Variants in PHLPP2 observed in about 807,000 individuals in gnomAD.
PHLPP2 encodes the protein PH domain leucine-rich repeat-containing protein phosphatase 2.
A neutral mutation model predicts 124.9 loss-of-function variants in PHLPP2; 66 were observed. That is an observed-to-expected ratio of 0.53 (90% CI 0.43 to 0.65). The LOEUF is 0.65. Ranked by LOEUF, PHLPP2 falls within the 30% of genes least tolerant of loss-of-function variation. The pLI, the probability that PHLPP2 is intolerant of heterozygous loss-of-function variation, is 0.00. For synonymous variants in PHLPP2, 681 were observed against 624.7 expected (o/e 1.09, Z -1.34); for missense variants, 1,685 against 1,600.4 (o/e 1.05, Z -0.90).
chr16:71,724,017 G>A (rs976792023), intron 1 of PHLPP2: 5 of 195,692 alleles, frequency 2.6e-5, no homozygotes, highest in Non-Finnish European at 4.6e-5. Context: ...CCGCAGCCCC[G>A]CTGGACCTAA....
At chr16:71,679,316 T>TAC in intron 7 of PHLPP2, 73 bp downstream of exon 7, 1 of 1,316,210 alleles carries the variant, frequency 7.6e-7, no homozygotes, top group Non-Finnish European at 1.1e-6. Context: ...TTCAAGATAC[T>TAC]ACCTTCATTC....
intron 3 of PHLPP2, 106 bp downstream of exon 3, chr16:71,702,492 A>T: frequency 1.0e-6 from 1 of 960,892 alleles, no homozygotes; most frequent in Non-Finnish European, 1.5e-6. Flanking sequence ...TAATTGGCTT[A>T]AAACTAGCTT....
In PHLPP2 at chr16:71,687,765, A is replaced by G. The variant is rs9940101; in HGVS notation, c.609+2754T>C. ...AACACATTGCCACATCTAAACACTCATTTTGTCTTCACTTCTAGAAAATGT... is the reference window on the plus strand; with the variant it reads ...AACACATTGCCACATCTAAACACTCGTTTTGTCTTCACTTCTAGAAAATGT... On this transcript the variant is annotated intron_variant, in intron 4 of 18. Coordinates refer to ENST00000568954, the MANE Select transcript of PHLPP2 (RefSeq NM_015020.3). Among the ~76,000 whole-genome samples, 958 of 152,208 alleles carry G rather than the reference A, an allele frequency of 6.3e-3. 9 individuals are homozygous for G. Among genetic ancestry groups the G allele is most frequent in the African/African-American group, 0.02 (830 of 41,528 alleles).
At chr16:71,715,719 C>T (rs2045357873) in intron 1 of PHLPP2, among the ~76,000 whole-genome samples, 1 of 150,834 alleles carries the variant, frequency 6.6e-6, no homozygotes, top group Non-Finnish European at 1.5e-5. Flanking sequence ...TGGCTCACAC[C>T]TGTAATCCCA....
At chr16:71,668,717 C>T (rs10775326) in intron 11 of PHLPP2, among the ~76,000 whole-genome samples, 76,637 of 151,412 alleles carry the variant, frequency 0.51, 19,728 homozygotes, top group Middle Eastern at 0.65. Flanking sequence ...TGAGGAGTGA[C>T]TGTGCCACTA....
chr16:71,653,565 C>G (rs2044714514), intron 17 of PHLPP2, among the ~76,000 whole-genome samples: 1 of 152,164 alleles, frequency 6.6e-6, no homozygotes, highest in Admixed American at 6.5e-5. Flanking sequence ...CGCGTCTGTA[C>G]TTGGAAACAA....
intron 1 of PHLPP2, chr16:71,723,922 C>G: frequency 1.5e-6 from 1 of 678,884 alleles, no homozygotes; most frequent in Non-Finnish European, 1.9e-6. Flanking sequence ...TGCGGAGCCT[C>G]GGCGGCGCGC....
At chr16:71,688,128 C>T (rs1186229839) in intron 4 of PHLPP2, among the ~76,000 whole-genome samples, 1 of 152,182 alleles carries the variant, frequency 6.6e-6, no homozygotes. Flanking sequence ...TCAAGCCATC[C>T]CTTTATGACC....
rs139070793 is a variant in PHLPP2 at position 71,708,495 on chromosome 16, C to T, written c.285-5764G>A. On this transcript the variant is annotated intron_variant, in intron 2 of 18. Transcript: ENST00000568954. ...GCTGATTCCTTTTTCCGACTCAGCC[C>T]GCCTGCACCCATGTGATTAAAAAGC... Among the ~76,000 whole-genome samples, 79 of 152,242 alleles carry T rather than the reference C, an allele frequency of 5.2e-4. 2 individuals are homozygous for T. In the East Asian group the frequency reaches 0.013, roughly 25 times the overall value.
At chr16:71,708,050 CCTTT>C (rs2045291985) in intron 2 of PHLPP2, among the ~76,000 whole-genome samples, 1 of 152,206 alleles carries the variant, frequency 6.6e-6, no homozygotes, top group Admixed American at 6.5e-5. Context: ...CAGGTCAAAG[CCTTT>C]CTTTAAGGTG....
intron 2 of PHLPP2, among the ~76,000 whole-genome samples, chr16:71,706,979 G>A (rs1429655547): frequency 1.6e-5 from 2 of 125,334 alleles, no homozygotes; most frequent in East Asian, 2.3e-4. Context: ...TTTTTGAGAC[G>A]GAGTCTTGCT....
chr16:71,653,220 G>GA (rs1348677372), intron 17 of PHLPP2, among the ~76,000 whole-genome samples, 199 bp from the exon 18 acceptor site: 1 of 151,160 alleles, frequency 6.6e-6, no homozygotes, highest in Non-Finnish European at 1.5e-5. Flanking sequence ...TCTCGCTGAG[G>GA]AAAAGGTTTT....
chr16:71,649,401 G>C lies in PHLPP2; in HGVS notation c.3461C>G (p.Pro1154Arg), dbSNP rs1194513699. 6.2e-7 allele frequency: 1 copy of C among 1,613,982 alleles called. No individual in the cohort carries two copies. Among genetic ancestry groups the C allele is most frequent in the South Asian group, 1.1e-5 (1 of 91,078 alleles). ...DNGLDSDDDQ[P>R]VEGVITNGSK... ...GCCATTGGTTATGACCCCCTCAACG[G>C]GCTGGTCATCATCACTGTCCAGGCC... is the stretch of plus-strand genomic sequence containing the variant. Residue 1154 changes from proline (P) to arginine (R), a missense_variant, in exon 19 of 19, where the codon CCC becomes CGC. Pro to Arg is a moderately radical substitution (Grantham distance 103). Transcript: ENST00000568954.
chr16:71,721,179 AAAAC>A (rs1208657774), intron 1 of PHLPP2, among the ~76,000 whole-genome samples: 5 of 152,020 alleles, frequency 3.3e-5, no homozygotes, highest in Non-Finnish European at 7.4e-5. Context: ...CTAAAAAAAC[AAAAC>A]AAACAAACAA....
At chr16:71,676,834 T>C in intron 8 of PHLPP2, 185 bp from the exon 9 acceptor site, 1 of 564,864 alleles carries the variant, frequency 1.8e-6, no homozygotes, top group Non-Finnish European at 3.2e-6. Context: ...CTGCAACCTC[T>C]GCCTCCCAGG....
At chr16:71,683,814 G>C (rs1177836109) in intron 5 of PHLPP2, among the ~76,000 whole-genome samples, 2 of 151,874 alleles carry the variant, frequency 1.3e-5, no homozygotes, top group South Asian at 2.1e-4. Flanking sequence ...TTTTCAGACG[G>C]ACTTTTGCTC....
At chr16:71,723,078 G>C (rs1567633296) in intron 1 of PHLPP2, 4 of 152,226 alleles carry the variant, frequency 2.6e-5, no homozygotes, top group South Asian at 2.1e-4. Flanking sequence ...CTCGGCAGTC[G>C]GCCCCGCTCC....
At chr16:71,675,057 G>A (rs1431778811) in intron 9 of PHLPP2, among the ~76,000 whole-genome samples, 1 of 152,134 alleles carries the variant, frequency 6.6e-6, no homozygotes, top group Non-Finnish European at 1.5e-5. Flanking sequence ...ATCTCCTTGT[G>A]CACATGTGGG....
intron 13 of PHLPP2, among the ~76,000 whole-genome samples, chr16:71,660,712 G>A (rs1436510379): frequency 1.3e-5 from 2 of 151,950 alleles, no homozygotes; most frequent in East Asian, 3.9e-4. Flanking sequence ...CCTATACATT[G>A]TATTTATGAT....
Sources: gnomAD v4.1 joint callset for allele counts (sites outside exome capture counted in the v4.1 genomes callset) on GRCh38, gnomAD v4.1.1 for gene constraint, MANE v1.5 for transcripts, NCBI Gene and HGNC (gene_info 2026-07-23, HGNC 2026-07-21) for gene names.